Variants in SULF2 observed in about 807,000 individuals in gnomAD.
SULF2 encodes the protein sulfatase 2, also known as extracellular sulfatase Sulf-2.
In SULF2, 52 loss-of-function variants were observed where a neutral mutation model predicts 107.7. The observed-to-expected ratio is 0.48, with a 90% CI of 0.39 to 0.61. The LOEUF (loss-of-function observed/expected upper bound fraction) is 0.61, where lower values mean the gene tolerates loss of function less well. SULF2 is among the 20% of genes least tolerant of loss of function. The probability of loss-of-function intolerance (pLI) is 0.00; values close to 1 mark genes in which losing one functional copy is unlikely to be tolerated. For missense variants in SULF2, 993 were observed against 1,177.3 expected (o/e 0.84, Z 2.29); for synonymous variants, 460 against 464.3 (o/e 0.99, Z 0.12).
chr20:47,700,401 T>C (rs1385529655), intron 4 of SULF2, among the ~76,000 whole-genome samples: 3 of 152,072 alleles, frequency 2.0e-5, no homozygotes, highest in African/African-American at 7.2e-5. Flanking sequence ...TTACAGAAAA[T>C]ATTTGTTGCC....
intron 14 of SULF2, 116 bp downstream of exon 14, chr20:47,665,083 G>A: frequency 3.9e-6 from 3 of 762,004 alleles, no homozygotes; most frequent in Non-Finnish European, 7.0e-6. Context: ...AATGCCATGA[G>A]GGGAGAAGAT....
At chr20:47,658,437 C>G in intron 20 of SULF2, 45 bp from the exon 21 acceptor site, 1 of 1,591,768 alleles carries the variant, frequency 6.3e-7, no homozygotes, top group South Asian at 1.1e-5. Context: ...CTATCATGGT[C>G]TTTATCATGA....
At position 47,753,862 on chromosome 20, in the gene SULF2, G is replaced by A. The variant is rs937140364; in HGVS notation, c.175+3327C>T. ...TCTACTGCCTCCCTGAACAAAGGAC[G>A]TCTGCAAACGAGACCTTTACCTCCA... is the stretch of plus-strand genomic sequence containing the variant. On this transcript the variant is annotated intron_variant, in intron 2 of 20. Transcript: ENST00000688720. 5.3e-5 allele frequency among the ~76,000 whole-genome samples: 8 copies of A among 152,190 alleles called. No homozygotes were observed. In the East Asian group the frequency reaches 7.7e-4, roughly 15 times the overall value.
chr20:47,707,905 G>C, intron 3 of SULF2, among the ~76,000 whole-genome samples: 1 of 152,150 alleles, frequency 6.6e-6, no homozygotes, highest in East Asian at 1.9e-4. Flanking sequence ...TGAAACAACT[G>C]AAGTCCAGAG....
At chr20:47,757,158 C>A (rs545147884) in intron 2 of SULF2, 31 bp downstream of exon 2, 6 of 1,529,338 alleles carry the variant, frequency 3.9e-6, no homozygotes, top group Non-Finnish European at 5.3e-6. Context: ...TCCGAGGGGC[C>A]GAGGTGCCAC....
chr20:47,676,483 A>C lies in SULF2; in HGVS notation c.1380+11T>G. ...AGGGGGAGCCGTTGGGAGGGAAGGG[A>C]GCCTTCTTACCTGTCCCAGCTGCTC... On this transcript the variant is annotated intron_variant, in intron 10 of 20. Transcript: ENST00000688720. 6.2e-7 allele frequency: 1 copy of C among 1,605,526 alleles called. No homozygotes were observed. Among genetic ancestry groups the C allele is most frequent in the Non-Finnish European group, 8.5e-7 (1 of 1,176,986 alleles).
intron 3 of SULF2, among the ~76,000 whole-genome samples, chr20:47,727,402 C>T (rs2089474101): frequency 1.3e-5 from 2 of 152,144 alleles, no homozygotes; most frequent in Non-Finnish European, 2.9e-5. Flanking sequence ...AACTCAAGGG[C>T]AAAGGACCCT....
chr20:47,765,418 T>C (rs1370989954), intron 1 of SULF2, among the ~76,000 whole-genome samples: 1 of 145,898 alleles, frequency 6.9e-6, no homozygotes, highest in Admixed American at 6.8e-5. Context: ...ATTAGGCAGT[T>C]GAGGTGGTGG....
At chr20:47,743,785 T>C (rs1285769411) in intron 2 of SULF2, among the ~76,000 whole-genome samples, 1 of 152,186 alleles carries the variant, frequency 6.6e-6, no homozygotes, top group African/African-American at 2.4e-5. Flanking sequence ...GCGCTCTCTC[T>C]CTAAGCTTCC....
chr20:47,707,311 T>C (rs1168831952), intron 3 of SULF2, among the ~76,000 whole-genome samples: 1 of 152,100 alleles, frequency 6.6e-6, no homozygotes, highest in Non-Finnish European at 1.5e-5. Context: ...TTTATTCTTC[T>C]TTTTTCTCCA....
chr20:47,743,241 C>G (rs2089931137), intron 2 of SULF2, among the ~76,000 whole-genome samples: 1 of 152,266 alleles, frequency 6.6e-6, no homozygotes, highest in South Asian at 2.1e-4. Context: ...TAAATTCACT[C>G]TAATCACTGT....
At chr20:47,765,057 G>C (rs905696637) in intron 1 of SULF2, among the ~76,000 whole-genome samples, 5 of 152,064 alleles carry the variant, frequency 3.3e-5, no homozygotes, top group Non-Finnish European at 7.4e-5. Context: ...AATCCAACAA[G>C]AGGAGGAGAG....
At chr20:47,677,270 C>A (rs923527855) in intron 8 of SULF2, 136 bp from the exon 9 acceptor site, 9 of 889,846 alleles carry the variant, frequency 1.0e-5, no homozygotes, top group Non-Finnish European at 1.6e-5. Flanking sequence ...GGTGAGTGTG[C>A]CCAGCTGGGC....
chr20:47,693,087 G>A (rs1349745749), intron 4 of SULF2, among the ~76,000 whole-genome samples: 1 of 152,064 alleles, frequency 6.6e-6, no homozygotes, highest in African/African-American at 2.4e-5. Flanking sequence ...TAATTTTGGG[G>A]AGTAAAAACA....
intron 7 of SULF2, among the ~76,000 whole-genome samples, chr20:47,681,810 T>C (rs1182355255): frequency 6.6e-6 from 1 of 152,244 alleles, no homozygotes; most frequent in Non-Finnish European, 1.5e-5. Flanking sequence ...CTCAGCCTCC[T>C]GAGTGCTGGG....
At position 47,757,173 on chromosome 20, in the gene SULF2, G is replaced by T; in HGVS notation, c.175+16C>A. ...TCCGAGGGGCCGAGGTGCCACCCTG[G>T]GGCCCCGAGGCTTACCCAGCTCCAC... On this transcript the variant is annotated intron_variant, in intron 2 of 20. Coordinates refer to ENST00000688720, the MANE Select transcript of SULF2 (RefSeq NM_001387048.1). 2 of 1,540,738 alleles carry T rather than the reference G, an allele frequency of 1.3e-6. No homozygotes were observed. The highest frequency in any genetic ancestry group is 1.8e-6 in the Non-Finnish European group (2 of 1,138,648).
At chr20:47,733,779 A>G (rs904310294) in intron 3 of SULF2, among the ~76,000 whole-genome samples, 3 of 152,232 alleles carry the variant, frequency 2.0e-5, no homozygotes, top group Non-Finnish European at 4.4e-5. Context: ...TCTCAGAAAA[A>G]GAAAAAAAGA....
At chr20:47,699,795 T>C (rs2088502889) in intron 4 of SULF2, among the ~76,000 whole-genome samples, 2 of 152,206 alleles carry the variant, frequency 1.3e-5, no homozygotes. Flanking sequence ...TTGTGGCTTC[T>C]GTTGAAAAAT....
chr20:47,678,807 G>T lies in SULF2; in HGVS notation c.1065-3C>A, dbSNP rs754948187. 1.9e-6 allele frequency: 3 copies of T among 1,612,784 alleles called. No homozygotes were observed. Among genetic ancestry groups the T allele is most frequent in the Non-Finnish European group, 2.5e-6 (3 of 1,179,270 alleles). The stretch of plus-strand genomic sequence containing the variant: ...TGTTGAGGACGATGTGGGGATTCCT[G>T]GGGGAGGCAGGAGATCGGGGACTCA... On this transcript the variant is annotated splice_region_variant and splice_polypyrimidine_tract_variant and intron_variant, in intron 7 of 20. Coordinates refer to ENST00000688720, the MANE Select transcript of SULF2 (RefSeq NM_001387048.1). The surrounding 1 kb of genome is among the most constrained non-coding windows in gnomAD (Gnocchi z 4.5).
Sources: allele counts gnomAD v4.1 joint callset (sites outside exome capture counted in the v4.1 genomes callset), GRCh38; gene constraint gnomAD v4.1.1; non-coding constraint Gnocchi (gnomAD v3.1); transcripts MANE v1.5; gene names NCBI Gene and HGNC (gene_info 2026-07-23, HGNC 2026-07-21).